RSRC1: variants seen among roughly 807,000 people sequenced by gnomAD.
The protein encoded by RSRC1 is serine/Arginine-related protein 53.
In RSRC1, 39 loss-of-function variants were observed where a neutral mutation model predicts 49.1. The observed-to-expected ratio is 0.79, with a 90% confidence interval of 0.61 to 1.04. The LOEUF is 1.04. RSRC1 is among the 50% of genes least tolerant of loss of function. RSRC1 has a pLI of 0.00. For synonymous variants in RSRC1, 143 were observed against 130.8 expected (o/e 1.09, Z -0.63); for missense variants, 388 against 402.4 (o/e 0.96, Z 0.31).
intron 3 of RSRC1, among the ~76,000 whole-genome samples, chr3:158,148,859 C>T (rs1309716831): frequency 2.0e-5 from 3 of 151,834 alleles, no homozygotes; most frequent in Non-Finnish European, 4.4e-5. Flanking sequence ...TCTCGGCTCA[C>T]TGCAGCCTCC....
intron 4 of RSRC1, among the ~76,000 whole-genome samples, chr3:158,238,647 GA>G (rs1325513087): frequency 1.3e-5 from 2 of 152,160 alleles, no homozygotes. Context: ...ATGGTGCTTG[GA>G]AAACTGGCTA....
At chr3:158,278,873 G>A (rs1414337873) in intron 4 of RSRC1, among the ~76,000 whole-genome samples, 1 of 151,664 alleles carries the variant, frequency 6.6e-6, no homozygotes, top group Non-Finnish European at 1.5e-5. Flanking sequence ...CTATTTTTTT[G>A]GACTATTGCT....
intron 7 of RSRC1, among the ~76,000 whole-genome samples, chr3:158,468,895 C>CG (rs1738003971): frequency 6.6e-6 from 1 of 152,028 alleles, no homozygotes; most frequent in Non-Finnish European, 1.5e-5. Flanking sequence ...AAAATTTTCA[C>CG]TAAGATTTAT....
At chr3:158,326,757 G>A (rs960366392) in intron 5 of RSRC1, among the ~76,000 whole-genome samples, 2 of 152,180 alleles carry the variant, frequency 1.3e-5, no homozygotes, top group Non-Finnish European at 2.9e-5. Flanking sequence ...ATGAGTTAGG[G>A]AGGATTCCCT....
chr3:158,502,200 T>C (rs557415657), intron 7 of RSRC1, among the ~76,000 whole-genome samples: 4 of 152,352 alleles, frequency 2.6e-5, no homozygotes, highest in Non-Finnish European at 2.9e-5. Context: ...CCCCAATCTC[T>C]GCTAGTTTGT....
At chr3:158,210,192 T>C (rs573238634) in intron 4 of RSRC1, among the ~76,000 whole-genome samples, 7 of 152,216 alleles carry the variant, frequency 4.6e-5, no homozygotes, top group African/African-American at 1.7e-4. Flanking sequence ...AGAGCATGCT[T>C]AGAACTCCTT....
chr3:158,331,890 C>T (rs541823608), intron 5 of RSRC1, among the ~76,000 whole-genome samples: 1 of 150,172 alleles, frequency 6.7e-6, no homozygotes, highest in Non-Finnish European at 1.5e-5. Flanking sequence ...CATTCCTACA[C>T]TACCATACTA....
intron 6 of RSRC1, among the ~76,000 whole-genome samples, chr3:158,375,222 G>T (rs1437332855): frequency 1.1e-4 from 16 of 149,746 alleles, no homozygotes; most frequent in Non-Finnish European, 3.0e-5. Context: ...TTGAGACAGG[G>T]TCTCACTCTA....
chr3:158,377,544 T>TC (rs1205018862), intron 6 of RSRC1, among the ~76,000 whole-genome samples: 4 of 152,090 alleles, frequency 2.6e-5, no homozygotes, highest in African/African-American at 9.7e-5. Flanking sequence ...ATATACTGAC[T>TC]CCCCCTTTCC....
chr3:158,384,824 G>A (rs1000716568), intron 6 of RSRC1, among the ~76,000 whole-genome samples: 6 of 152,020 alleles, frequency 3.9e-5, no homozygotes, highest in Non-Finnish European at 8.8e-5. Context: ...AATAGCTCAA[G>A]GGCAAGGCAA....
chr3:158,498,021 A>C (rs776898674), intron 7 of RSRC1, among the ~76,000 whole-genome samples: 1 of 152,192 alleles, frequency 6.6e-6, no homozygotes, highest in African/African-American at 2.4e-5. Context: ...TTGTGCTGCT[A>C]TAAACATGAG....
chr3:158,475,059 C>T (rs1279186098), intron 7 of RSRC1, among the ~76,000 whole-genome samples: 4 of 152,064 alleles, frequency 2.6e-5, no homozygotes, highest in South Asian at 2.1e-4. Context: ...GGACGACAGG[C>T]GAGCATCATC....
At chr3:158,228,787 A>G (rs193169472) in intron 4 of RSRC1, among the ~76,000 whole-genome samples, 41 of 151,364 alleles carry the variant, frequency 2.7e-4, no homozygotes, top group African/African-American at 9.2e-4. Flanking sequence ...GTGTGTGTGT[A>G]TATATATGTG....
intron 6 of RSRC1, among the ~76,000 whole-genome samples, chr3:158,386,707 A>G (rs1732985246): frequency 4.6e-5 from 7 of 152,070 alleles, no homozygotes. Flanking sequence ...TACAAGGCAG[A>G]AATGTAGGGT....
intron 3 of RSRC1, among the ~76,000 whole-genome samples, chr3:158,171,194 T>C (rs1038713603): frequency 2.6e-5 from 4 of 152,154 alleles, no homozygotes; most frequent in African/African-American, 9.7e-5. Flanking sequence ...ACCCACAGAA[T>C]GTGAGGTAGA....
chr3:158,375,159 GTTATTATTA>G (rs60589390), intron 6 of RSRC1, among the ~76,000 whole-genome samples: 2,550 of 145,202 alleles, frequency 0.018, 75 homozygotes, highest in African/African-American at 0.051. Context: ...GACTTAGCAA[GTTATTATTA>G]TTATTATTAT....
intron 6 of RSRC1, among the ~76,000 whole-genome samples, chr3:158,412,424 T>G (rs771475876): frequency 1.3e-4 from 20 of 152,176 alleles, no homozygotes; most frequent in Non-Finnish European, 2.5e-4. Flanking sequence ...GCCTATTCTT[T>G]AAGACTCACT....
intron 4 of RSRC1, among the ~76,000 whole-genome samples, chr3:158,217,756 G>C (rs1184337769): frequency 9.4e-6 from 1 of 106,620 alleles, no homozygotes; most frequent in African/African-American, 3.4e-5. Flanking sequence ...GGTCCAGTGT[G>C]TGTGTGTGTG....
At chr3:158,177,579 G>T (rs1409650998) in intron 3 of RSRC1, among the ~76,000 whole-genome samples, 1 of 151,816 alleles carries the variant, frequency 6.6e-6, no homozygotes. Flanking sequence ...ACTCATAGTT[G>T]GAATTGAACA....
Sources: gnomAD v4.1 joint callset for allele counts (sites outside exome capture counted in the v4.1 genomes callset) on GRCh38, gnomAD v4.1.1 for gene constraint, MANE v1.5 for transcripts, NCBI Gene and HGNC (gene_info 2026-07-23, HGNC 2026-07-21) for gene names.